SPSB1: variants seen among roughly 807,000 people sequenced by gnomAD.
SPSB1 encodes SPRY domain-containing SOCS box protein 1.
Under a neutral mutation model 21.2 loss-of-function variants are expected in SPSB1, and 8 were observed. The observed-to-expected ratio is 0.38, with a 90% confidence interval of 0.22 to 0.68. The LOEUF is 0.68. Among genes scored for constraint, SPSB1 ranks in the 30% least tolerant of loss-of-function variants. The pLI is 0.53. For missense variants in SPSB1, 242 were observed against 377.8 expected (o/e 0.64, Z 2.98); for synonymous variants, 169 against 161.7 (o/e 1.05, Z -0.34).
intron 2 of SPSB1, among the ~76,000 whole-genome samples, chr1:9,360,575 C>G (rs1403531542): frequency 6.6e-6 from 1 of 152,180 alleles, no homozygotes; most frequent in African/African-American, 2.4e-5. Flanking sequence ...CCCCATGCCT[C>G]CCCTCGCCCC....
At chr1:9,322,535 G>A (rs1333309157) in intron 1 of SPSB1, among the ~76,000 whole-genome samples, 1 of 152,198 alleles carries the variant, frequency 6.6e-6, no homozygotes, top group Non-Finnish European at 1.5e-5. Context: ...AATTGAGGAG[G>A]GATGGCAATC....
At chr1:9,335,809 G>C (rs528057513) in intron 1 of SPSB1, among the ~76,000 whole-genome samples, 12 of 152,300 alleles carry the variant, frequency 7.9e-5, no homozygotes, top group African/African-American at 2.4e-4. Context: ...CCCTGTCTGT[G>C]AAAAAAAGAA....
At chr1:9,338,064 A>G (rs1471390895) in intron 1 of SPSB1, among the ~76,000 whole-genome samples, 1 of 152,024 alleles carries the variant, frequency 6.6e-6, no homozygotes, top group Non-Finnish European at 1.5e-5. Flanking sequence ...AGCAGGTTTG[A>G]ATTGGTTCCT....
At chr1:9,295,096 G>C (rs1300573142) in intron 1 of SPSB1, among the ~76,000 whole-genome samples, 1 of 152,158 alleles carries the variant, frequency 6.6e-6, no homozygotes, top group African/African-American at 2.4e-5. Flanking sequence ...TGTCTCCCCA[G>C]CTGTGAAGTG....
chr1:9,305,661 G>GC lies in SPSB1; in HGVS notation c.-150+12594dup, dbSNP rs1211924512. Among the ~76,000 whole-genome samples the GC allele has an allele frequency of 6.6e-6, 1 of 152,202 alleles. No individual in the cohort carries two copies. The highest frequency in any genetic ancestry group is 1.5e-5 in the Non-Finnish European group (1 of 68,036). ...GTTCTCAGACCAGACTTCCTTCCAT[G>GC]CCCCGTGGGAGGTCAGGAACTCCGA... On this transcript the variant is annotated intron_variant, in intron 1 of 2. Coordinates refer to ENST00000328089, the MANE Select transcript of SPSB1 (RefSeq NM_025106.4). The surrounding 1 kb of genome is among the most constrained non-coding windows in gnomAD (Gnocchi z 4.8).
At position 9,369,053 on chromosome 1, in the gene SPSB1, T is replaced by C. The variant is rs1390986405; in HGVS notation, c.*1478T>C. The C allele has an allele frequency of 6.6e-6, 1 of 152,614 alleles. No individual in the cohort carries two copies. Among genetic ancestry groups the C allele is most frequent in the Non-Finnish European group, 1.5e-5 (1 of 68,038 alleles). The allele number at this position is 152,614 out of a possible 1,614,324, so 9.5% of individuals were successfully genotyped here. On this transcript the variant is annotated 3_prime_UTR_variant, in exon 3 of 3. Transcript: ENST00000328089. Reference sequence around the variant, plus strand: ...AATGTTTAATATATATACATACATATATATATATTTGTCTGTAAGAATTAT... The same window carrying C: ...AATGTTTAATATATATACATACATACATATATATTTGTCTGTAAGAATTAT...
chr1:9,294,645 A>G (rs1353658065), intron 1 of SPSB1: 1 of 152,204 alleles, frequency 6.6e-6, no homozygotes, highest in Non-Finnish European at 1.5e-5. Flanking sequence ...GAAACTGGTC[A>G]TGAGTTGAGT....
Position 9,367,354 on chromosome 1 carries a change from A to G in SPSB1, c.695-94A>G. 10 of 1,582,990 alleles carry G rather than the reference A, an allele frequency of 6.3e-6. No individual in the cohort carries two copies. Among genetic ancestry groups the G allele is most frequent in the Non-Finnish European group, 8.6e-6 (10 of 1,159,352 alleles). ...ATTGTTTCTTTACTGATTTGAGTGA[A>G]TACTAATCAGTGATAATATTGCTGC... On this transcript the variant is annotated intron_variant, in intron 2 of 2. Transcript: ENST00000328089. This position sits in a 1 kb window ranked among gnomAD's most constrained non-coding sequence, Gnocchi z 5.9.
chr1:9,367,964 G>A lies in SPSB1; in HGVS notation c.*389G>A, dbSNP rs566457609. The A allele has an allele frequency of 2.0e-5, 4 of 201,584 alleles. No individual in the cohort carries two copies. The highest frequency in any genetic ancestry group is 4.1e-5 in the Non-Finnish European group (4 of 97,632). The allele number at this position is 201,584 out of a possible 1,614,324, so 12.5% of individuals were successfully genotyped here. A position where few individuals can be genotyped will look rare whatever the true frequency, so the allele number is the denominator to read the frequency against. On this transcript the variant is annotated 3_prime_UTR_variant, in exon 3 of 3. Transcript: ENST00000328089. The surrounding 1 kb of genome is among the most constrained non-coding windows in gnomAD (Gnocchi z 5.9). ...GGTCCCAGGGTGGTGGGGGTGGCAG[G>A]TGGTACCACAGCTCTGAGAGCAGAT... is the stretch of plus-strand genomic sequence containing the variant.
intron 1 of SPSB1, among the ~76,000 whole-genome samples, chr1:9,333,923 C>G (rs1387881972): frequency 6.6e-6 from 1 of 152,156 alleles, no homozygotes; most frequent in Non-Finnish European, 1.5e-5. Flanking sequence ...GCCAGGGATG[C>G]TCCGCCACAT....
chr1:9,313,760 C>T (rs145936483), intron 1 of SPSB1, among the ~76,000 whole-genome samples: 3,132 of 152,290 alleles, frequency 0.021, 43 homozygotes, highest in Middle Eastern at 0.034. Flanking sequence ...CCAGCCTGCC[C>T]GCTGTGCTTC....
chr1:9,351,945 C>T (rs1640265163), intron 1 of SPSB1, among the ~76,000 whole-genome samples: 1 of 152,206 alleles, frequency 6.6e-6, no homozygotes, highest in Non-Finnish European at 1.5e-5. Context: ...CACAGTGCTG[C>T]AGGCCCCTTT....
intron 1 of SPSB1, chr1:9,294,521 G>A (rs1570162722): frequency 6.6e-6 from 1 of 152,312 alleles, no homozygotes; most frequent in Non-Finnish European, 1.5e-5. Flanking sequence ...GGAGAGCGCA[G>A]GCTCTTCCTC....
chr1:9,360,353 T>C (rs1032561070), intron 2 of SPSB1, among the ~76,000 whole-genome samples: 10 of 152,198 alleles, frequency 6.6e-5, no homozygotes, highest in Non-Finnish European at 5.9e-5. Context: ...AATTGGCAGT[T>C]GACCTTGAGG....
chr1:9,328,357 C>T (rs1639853250), intron 1 of SPSB1, among the ~76,000 whole-genome samples: 1 of 152,232 alleles, frequency 6.6e-6, no homozygotes, highest in Admixed American at 6.5e-5. Flanking sequence ...TGCTAGAGTT[C>T]AGCAGAACCT....
chr1:9,304,548 T>A (rs553771496), intron 1 of SPSB1, among the ~76,000 whole-genome samples: 1 of 152,156 alleles, frequency 6.6e-6, no homozygotes, highest in Non-Finnish European at 1.5e-5. Flanking sequence ...GATGGAAGCT[T>A]GTGGCATCTC....
rs1056455074 is a variant in SPSB1, at chr1:9,324,749, C to T, written c.-149-30994C>T. Among the ~76,000 whole-genome samples, 8 of 152,238 alleles carry T rather than the reference C, an allele frequency of 5.3e-5. No individual in the cohort carries two copies. The highest frequency in any genetic ancestry group is 1.2e-4 in the African/African-American group (5 of 41,462). The stretch of plus-strand genomic sequence containing the variant: ...ATCTCTCTGGGAATGAGCACAGCCA[C>T]CTCCGAGCCACAGCTCACTCTGACA... On this transcript the variant is annotated intron_variant, in intron 1 of 2. Coordinates refer to ENST00000328089, the MANE Select transcript of SPSB1 (RefSeq NM_025106.4). This position sits in a 1 kb window ranked among gnomAD's most constrained non-coding sequence, Gnocchi z 4.3.
rs1008488992 is a variant in SPSB1 at position 9,346,703 on chromosome 1, C to T, written c.-149-9040C>T. Among the ~76,000 whole-genome samples the T allele has an allele frequency of 6.6e-6, 1 of 152,176 alleles. No individual in the cohort carries two copies. The highest frequency in any genetic ancestry group is 1.5e-5 in the Non-Finnish European group (1 of 68,020). On this transcript the variant is annotated intron_variant, in intron 1 of 2. Coordinates refer to ENST00000328089, the MANE Select transcript of SPSB1 (RefSeq NM_025106.4). The surrounding 1 kb of genome is among the most constrained non-coding windows in gnomAD (Gnocchi z 4.4). ...GCTCTCAGTGCCTCATTCCTCCTCA[C>T]CTCCTCCTCTTCCCTGGCGTTGGTC...
chr1:9,320,611 A>G (rs912479310), intron 1 of SPSB1, among the ~76,000 whole-genome samples: 2 of 152,226 alleles, frequency 1.3e-5, no homozygotes, highest in African/African-American at 4.8e-5. Context: ...TTTTGCAAGT[A>G]TTTGGAGCAA....
Sources: gnomAD v4.1 joint callset for allele counts (sites outside exome capture counted in the v4.1 genomes callset) on GRCh38, gnomAD v4.1.1 for gene constraint, Gnocchi (gnomAD v3.1) non-coding constraint, MANE v1.5 for transcripts, NCBI Gene and HGNC (gene_info 2026-07-23, HGNC 2026-07-21) for gene names.